Variants in WNT7B observed in about 807,000 individuals in gnomAD.
The protein encoded by WNT7B is Wnt family member 7B, also known as protein Wnt-7b.
Under a neutral mutation model 38.2 loss-of-function variants are expected in WNT7B, and 19 were observed. That is an observed-to-expected ratio of 0.50 (90% CI 0.35 to 0.73). The LOEUF (loss-of-function observed/expected upper bound fraction) is 0.73. Ranked by LOEUF, WNT7B falls within the 30% of genes least tolerant of loss-of-function variation. The probability of loss-of-function intolerance (pLI) is 0.01; values close to 1 mark genes in which losing one functional copy is unlikely to be tolerated. For synonymous variants in WNT7B, 243 were observed against 209.3 expected (o/e 1.16, Z -1.39); for missense variants, 423 against 507.9 (o/e 0.83, Z 1.61).
chr22:45,946,673 C>G (rs1296746470), intron 2 of WNT7B, among the ~76,000 whole-genome samples: 1 of 151,352 alleles, frequency 6.6e-6, no homozygotes, highest in African/African-American at 2.5e-5. Context: ...CCTTGACCCT[C>G]TGAGGCGAGC....
Position 45,970,568 on chromosome 22 carries a change from C to T in WNT7B, c.71+6116G>A, listed in dbSNP as rs568203220. Among the ~76,000 whole-genome samples the T allele has an allele frequency of 3.3e-5, 5 of 152,180 alleles. No individual in the cohort carries two copies. The South Asian group carries it at 1.0e-3, about 32-fold the overall frequency. On this transcript the variant is annotated intron_variant, in intron 1 of 3. Coordinates refer to ENST00000339464, the MANE Select transcript of WNT7B (RefSeq NM_058238.3). ...CCCCCACTTCCCTTGCCTCCACCTC[C>T]GCAGGACTCCTGGTCTCCCACCCCG...
At chr22:45,942,493 G>A (rs1236642130) in intron 2 of WNT7B, among the ~76,000 whole-genome samples, 3 of 152,246 alleles carry the variant, frequency 2.0e-5, no homozygotes, top group African/African-American at 7.2e-5. Context: ...AAGCCTCCAG[G>A]CCACGGCTTG....
intron 3 of WNT7B, 64 bp downstream of exon 3, chr22:45,931,034 G>A (rs916596024): frequency 1.2e-5 from 18 of 1,493,404 alleles, no homozygotes; most frequent in East Asian, 9.3e-5. Context: ...CTGAGGCTCC[G>A]AGAGGTCAGC....
intron 1 of WNT7B, among the ~76,000 whole-genome samples, chr22:45,960,549 G>A (rs1424650679): frequency 6.6e-6 from 1 of 152,194 alleles, no homozygotes; most frequent in Non-Finnish European, 1.5e-5. Flanking sequence ...GCCTGGGCCT[G>A]ATCTTCAGCC....
intron 3 of WNT7B, chr22:45,926,773 CCA>C: frequency 1.0e-6 from 1 of 985,408 alleles, no homozygotes; most frequent in Non-Finnish European, 1.2e-6. Flanking sequence ...GACCACGAGC[CCA>C]CAGAGTGGAC....
At chr22:45,942,353 A>G (rs543350316) in intron 2 of WNT7B, among the ~76,000 whole-genome samples, 81 of 152,236 alleles carry the variant, frequency 5.3e-4, no homozygotes, top group African/African-American at 1.9e-3. Context: ...CTGCCCTTTG[A>G]CCCTAGCCAG....
intron 2 of WNT7B, among the ~76,000 whole-genome samples, chr22:45,932,483 C>T (rs1450703801): frequency 6.6e-6 from 1 of 152,034 alleles, no homozygotes; most frequent in Non-Finnish European, 1.5e-5. Context: ...CAGATCCGGA[C>T]ACCCTCTCCC....
rs552381576 is a variant in WNT7B at position 45,951,297 on chromosome 22, G to C, written c.72-1151C>G. On this transcript the variant is annotated intron_variant, in intron 1 of 3. Transcript: ENST00000339464. This position sits in a 1 kb window ranked among gnomAD's most constrained non-coding sequence, Gnocchi z 4.8. ...TCACTGTGTTGGCCAGGCTGGTCTC[G>C]AACTCCTGACCTCAGGTCATCTGCC... is the stretch of plus-strand genomic sequence containing the variant. Among the ~76,000 whole-genome samples the C allele has an allele frequency of 1.3e-5, 2 of 152,046 alleles. No individual in the cohort carries two copies. Among genetic ancestry groups the C allele is most frequent in the East Asian group, 3.9e-4 (2 of 5,172 alleles).
intron 3 of WNT7B, among the ~76,000 whole-genome samples, chr22:45,929,002 C>G (rs1931194822): frequency 6.6e-6 from 1 of 152,002 alleles, no homozygotes; most frequent in African/African-American, 2.4e-5. Flanking sequence ...GCCACTCATC[C>G]AGGTCTGCTG....
At chr22:45,946,007 A>G (rs4075666) in intron 2 of WNT7B, among the ~76,000 whole-genome samples, 70,610 of 152,118 alleles carry the variant, frequency 0.46, 16,949 homozygotes, top group African/African-American at 0.56. Flanking sequence ...TAGGGGGCCC[A>G]AGAGCACGCA....
rs528821739 is a variant in WNT7B at position 45,926,714 on chromosome 22, C to G, written c.571-3379G>C. 9 of 985,424 alleles carry G rather than the reference C, an allele frequency of 9.1e-6. No individual in the cohort carries two copies. The East Asian group carries it at 7.9e-4, about 87-fold the overall frequency. 61.0% of individuals were successfully genotyped at this position (985,424 alleles called of 1,614,324 possible). A position where few individuals can be genotyped will look rare whatever the true frequency, so the allele number is the denominator to read the frequency against. On this transcript the variant is annotated intron_variant, in intron 3 of 3. Transcript: ENST00000339464. Reference sequence around the variant, plus strand: ...TCCCTGCCCCTAAGTAAGTGTGGCCCTGACCTGTGAGCCCCTCAGGGACAC... The same window carrying G: ...TCCCTGCCCCTAAGTAAGTGTGGCCGTGACCTGTGAGCCCCTCAGGGACAC...
intron 1 of WNT7B, chr22:45,972,358 CG>C (rs1932466560): frequency 8.5e-6 from 3 of 354,904 alleles, no homozygotes; most frequent in Admixed American, 4.8e-5. Context: ...CGCTAGGGGC[CG>C]GGTCTCGTGG....
intron 2 of WNT7B, 145 bp downstream of exon 2, chr22:45,949,775 G>A (rs28385626): frequency 0.03 from 23,271 of 770,872 alleles, 1,029 homozygotes; most frequent in African/African-American, 0.17. Flanking sequence ...GGCCAGGCAC[G>A]CAGAAGGGCT....
chr22:45,962,277 A>G (rs951275787), intron 1 of WNT7B, among the ~76,000 whole-genome samples: 2 of 152,188 alleles, frequency 1.3e-5, no homozygotes, highest in Non-Finnish European at 2.9e-5. Context: ...TCAAGGGCAG[A>G]CACTCCCAGC....
At chr22:45,931,458 G>C in intron 2 of WNT7B, 89 bp from the exon 3 acceptor site, 1 of 1,408,936 alleles carries the variant, frequency 7.1e-7, no homozygotes, top group Non-Finnish European at 9.4e-7. Flanking sequence ...CGATCCACCT[G>C]CTGTTGGCTG....
chr22:45,975,439 C>T lies in WNT7B; in HGVS notation c.71+1245G>A. On this transcript the variant is annotated intron_variant, in intron 1 of 3. Coordinates refer to ENST00000339464, the MANE Select transcript of WNT7B (RefSeq NM_058238.3). The surrounding 1 kb of genome is among the most constrained non-coding windows in gnomAD (Gnocchi z 6.6). Reference sequence around the variant, plus strand: ...AAACGGGGCTACCGGCAGCCGCAGACACGCCCGCCCAGACCTGCAGGGCTC... The same window carrying T: ...AAACGGGGCTACCGGCAGCCGCAGATACGCCCGCCCAGACCTGCAGGGCTC... 1 of 651,830 alleles carries T rather than the reference C, an allele frequency of 1.5e-6. No homozygotes were observed. The highest frequency in any genetic ancestry group is 2.9e-6 in the Non-Finnish European group (1 of 348,306). The allele number at this position is 651,830 out of a possible 1,614,324, so 40.4% of individuals were successfully genotyped here. A position where few individuals can be genotyped will look rare whatever the true frequency, so the allele number is the denominator to read the frequency against.
At chr22:45,927,599 TAAGAG>T in intron 3 of WNT7B, 3 of 971,114 alleles carry the variant, frequency 3.1e-6, no homozygotes, top group Non-Finnish European at 4.9e-6. Context: ...AGTGTCCATA[TAAGAG>T]ATGGAACAGG....
chr22:45,928,530 T>C (rs145486691), intron 3 of WNT7B, among the ~76,000 whole-genome samples: 1 of 150,442 alleles, frequency 6.6e-6, no homozygotes, highest in South Asian at 2.1e-4. Context: ...GGTAGGAGAA[T>C]TGGCCACTGG....
chr22:45,927,541 G>C, intron 3 of WNT7B: 1 of 1,485,126 alleles, frequency 6.7e-7, no homozygotes, highest in Non-Finnish European at 9.2e-7. Context: ...GGAAACAACG[G>C]AGAGGAGGTC....
Sources: allele counts gnomAD v4.1 joint callset (sites outside exome capture counted in the v4.1 genomes callset), GRCh38; gene constraint gnomAD v4.1.1; non-coding constraint Gnocchi (gnomAD v3.1); transcripts MANE v1.5; gene names NCBI Gene and HGNC (gene_info 2026-07-23, HGNC 2026-07-21).